GRIA1: variants seen among roughly 807,000 people sequenced by gnomAD.
GRIA1 encodes the protein glutamate ionotropic receptor AMPA type subunit 1.
GRIA1 carries 31 observed loss-of-function variants against 99.2 expected under a neutral mutation model. That is an observed-to-expected ratio of 0.31 (90% confidence interval 0.23 to 0.42). The LOEUF is 0.42. Ranked by LOEUF, GRIA1 falls within the 10% of genes least tolerant of loss-of-function variation. The probability of loss-of-function intolerance (pLI) is 1.00; values close to 1 mark genes in which losing one functional copy is unlikely to be tolerated. For missense variants in GRIA1, 782 were observed against 1,157.5 expected, an observed-to-expected ratio of 0.68 and a Z score of 4.71; for synonymous variants, 438 against 432.4, an observed-to-expected ratio of 1.01 and a Z score of -0.16.
intron 11 of GRIA1, among the ~76,000 whole-genome samples, chr5:153,717,861 ATTTATC>A (rs1759775972): frequency 6.6e-6 from 1 of 152,136 alleles, no homozygotes; most frequent in African/African-American, 2.4e-5. Flanking sequence ...CCAGGTTATT[ATTTATC>A]TTTATCTCCT....
rs141583806 is a variant in GRIA1, at chr5:153,620,363, G to A, written c.221-26565G>A. Among the ~76,000 whole-genome samples, 297 of 151,802 alleles carry A rather than the reference G, an allele frequency of 2.0e-3. 3 individuals carry two copies. Among genetic ancestry groups the A allele is most frequent in the African/African-American group, 6.4e-3 (265 of 41,344 alleles). On this transcript the variant is annotated intron_variant, in intron 2 of 15. Coordinates refer to ENST00000285900, the MANE Select transcript of GRIA1 (RefSeq NM_000827.4). ...TCTGAGATTCTACTTGAGACAATGC[G>A]ACAAGCACTTAAAGGAACACCAAAT... is the stretch of plus-strand genomic sequence containing the variant.
intron 2 of GRIA1, among the ~76,000 whole-genome samples, chr5:153,640,975 T>C (rs537865984): frequency 6.6e-6 from 1 of 152,294 alleles, no homozygotes; most frequent in East Asian, 1.9e-4. Context: ...ATATCTACGA[T>C]ACAAGAGAAT....
intron 2 of GRIA1, among the ~76,000 whole-genome samples, chr5:153,635,366 G>T (rs1753275101): frequency 6.6e-6 from 1 of 152,194 alleles, no homozygotes; most frequent in African/African-American, 2.4e-5. Context: ...AGGAGGGGAA[G>T]CTGTAAAGCT....
chr5:153,794,931 T>C (rs1022733232), intron 14 of GRIA1, among the ~76,000 whole-genome samples, 196 bp downstream of exon 14: 2 of 152,166 alleles, frequency 1.3e-5, no homozygotes, highest in South Asian at 4.1e-4. Flanking sequence ...GGCCTTCTGG[T>C]TTACCACAGT....
chr5:153,559,489 G>A (rs1212800650), intron 2 of GRIA1, among the ~76,000 whole-genome samples: 1 of 152,150 alleles, frequency 6.6e-6, no homozygotes, highest in Non-Finnish European at 1.5e-5. Flanking sequence ...TTGGGGACAA[G>A]GACTCAAGGC....
chr5:153,742,403 G>A (rs1761871073), intron 11 of GRIA1, among the ~76,000 whole-genome samples: 1 of 152,108 alleles, frequency 6.6e-6, no homozygotes, highest in Non-Finnish European at 1.5e-5. Context: ...TTCCATCACT[G>A]CCATAACAGA....
At chr5:153,505,110 C>T (rs1412243043) in intron 2 of GRIA1, among the ~76,000 whole-genome samples, 1 of 152,192 alleles carries the variant, frequency 6.6e-6, no homozygotes, top group East Asian at 1.9e-4. Flanking sequence ...CAAGCTGGCT[C>T]CTGTCCAAGG....
intron 11 of GRIA1, among the ~76,000 whole-genome samples, chr5:153,731,438 T>C (rs1761017258): frequency 6.6e-6 from 1 of 152,030 alleles, no homozygotes; most frequent in Non-Finnish European, 1.5e-5. Flanking sequence ...TGATCTCAGC[T>C]CCACCTGCTA....
At chr5:153,659,253 G>A (rs1238882493) in intron 5 of GRIA1, among the ~76,000 whole-genome samples, 3 of 152,176 alleles carry the variant, frequency 2.0e-5, no homozygotes, top group African/African-American at 7.2e-5. Flanking sequence ...CACATATGGT[G>A]TGTATGTACA....
intron 2 of GRIA1, among the ~76,000 whole-genome samples, chr5:153,504,992 C>G (rs1476719206): frequency 6.6e-6 from 1 of 152,132 alleles, no homozygotes; most frequent in Admixed American, 6.6e-5. Flanking sequence ...GGTTCCATCC[C>G]CTCTAGTTTT....
chr5:153,536,079 T>C (rs1188437722), intron 2 of GRIA1, among the ~76,000 whole-genome samples: 1 of 152,204 alleles, frequency 6.6e-6, no homozygotes, highest in Non-Finnish European at 1.5e-5. Context: ...TAGTGTGATA[T>C]TGAAGGCTCA....
intron 2 of GRIA1, among the ~76,000 whole-genome samples, chr5:153,532,232 C>T (rs1026638087): frequency 1.3e-5 from 2 of 152,136 alleles, no homozygotes; most frequent in Non-Finnish European, 2.9e-5. Context: ...TTCCTGTGAG[C>T]ATTACTGTAC....
At chr5:153,608,156 C>G (rs1220393181) in intron 2 of GRIA1, among the ~76,000 whole-genome samples, 2 of 152,104 alleles carry the variant, frequency 1.3e-5, no homozygotes, top group East Asian at 3.8e-4. Flanking sequence ...AATCTGTCTG[C>G]CTTTGCCCCA....
Position 153,813,802 on chromosome 5 carries a change from G to GT in GRIA1, c.*2584dup, listed in dbSNP as rs1394928422. The GT allele has an allele frequency of 2.6e-5, 4 of 152,048 alleles. No individual in the cohort carries two copies. The highest frequency in any genetic ancestry group is 5.9e-5 in the Non-Finnish European group (4 of 67,996). 9.4% of individuals were successfully genotyped at this position (152,048 alleles called of 1,614,324 possible). A position where few individuals can be genotyped will look rare whatever the true frequency, so the allele number is the denominator to read the frequency against. ...TCTTGTTTTTCTTTCAAATAGCCAG[G>GT]TTTTTTTCTTTTGGTATTTGCATAA... On this transcript the variant is annotated 3_prime_UTR_variant, in exon 16 of 16. Transcript: ENST00000285900.
intron 11 of GRIA1, among the ~76,000 whole-genome samples, chr5:153,738,792 G>A (rs919377114): frequency 6.9e-6 from 1 of 144,066 alleles, no homozygotes; most frequent in Non-Finnish European, 1.5e-5. Context: ...GTGCGATCTC[G>A]GCTCACCGCA....
chr5:153,706,219 T>TGCAA, intron 11 of GRIA1, 152 bp downstream of exon 11: 1 of 730,322 alleles, frequency 1.4e-6, no homozygotes, highest in Non-Finnish European at 2.3e-6. Flanking sequence ...CAACTGTCCA[T>TGCAA]TGCACGCTGT....
intron 5 of GRIA1, among the ~76,000 whole-genome samples, chr5:153,672,717 C>G (rs1352553476): frequency 6.6e-6 from 1 of 152,096 alleles, no homozygotes; most frequent in Non-Finnish European, 1.5e-5. Flanking sequence ...TCCTAGGATC[C>G]CAAGAGGGAG....
chr5:153,566,410 G>T (rs187172725), intron 2 of GRIA1, among the ~76,000 whole-genome samples: 1 of 146,202 alleles, frequency 6.8e-6, no homozygotes, highest in Non-Finnish European at 1.5e-5. Context: ...GGGTTCAAGC[G>T]ATTCCCTTGC....
intron 11 of GRIA1, among the ~76,000 whole-genome samples, chr5:153,750,662 C>T (rs1762452322): frequency 5.9e-5 from 9 of 152,142 alleles, no homozygotes; most frequent in Admixed American, 5.9e-4. Context: ...GGTTGCTGCT[C>T]CTCACACTGT....
Sources: gnomAD v4.1 joint callset for allele counts (sites outside exome capture counted in the v4.1 genomes callset) on GRCh38, gnomAD v4.1.1 for gene constraint, MANE v1.5 for transcripts, NCBI Gene and HGNC (gene_info 2026-07-23, HGNC 2026-07-21) for gene names.